CDH4: variants seen among roughly 807,000 people sequenced by gnomAD.
The protein encoded by CDH4 is cadherin 4.
CDH4 carries 33 observed loss-of-function variants against 86.0 expected under a neutral mutation model. That is an observed-to-expected ratio of 0.38 (90% CI 0.29 to 0.51). The LOEUF (loss-of-function observed/expected upper bound fraction) is 0.51, where lower values mean the gene tolerates loss of function less well. Ranked by LOEUF, CDH4 falls within the 20% of genes least tolerant of loss-of-function variation. The pLI, the probability that CDH4 is intolerant of heterozygous loss-of-function variation, is 0.86. For synonymous variants in CDH4, 555 were observed against 549.4 expected (o/e 1.01, Z -0.14); for missense variants, 1,114 against 1,307.4 (o/e 0.85, Z 2.28).
At chr20:61,865,914 CCT>C (rs1983529177) in intron 6 of CDH4, among the ~76,000 whole-genome samples, 1 of 152,180 alleles carries the variant, frequency 6.6e-6, no homozygotes, top group Non-Finnish European at 1.5e-5. Flanking sequence ...GGCTTAGTTT[CCT>C]GGGCTGCTTA....
intron 2 of CDH4, among the ~76,000 whole-genome samples, chr20:61,633,939 T>C (rs1401536540): frequency 6.6e-6 from 1 of 152,246 alleles, no homozygotes; most frequent in Non-Finnish European, 1.5e-5. Flanking sequence ...GAGACTCTGA[T>C]GGAAAATCCC....
intron 2 of CDH4, among the ~76,000 whole-genome samples, chr20:61,587,399 G>A (rs2086486340): frequency 6.6e-6 from 1 of 152,150 alleles, no homozygotes; most frequent in African/African-American, 2.4e-5. Flanking sequence ...GGGACAGCAG[G>A]GGCACAGCCT....
intron 2 of CDH4, among the ~76,000 whole-genome samples, chr20:61,469,479 G>C (rs1405576405): frequency 6.6e-6 from 1 of 152,190 alleles, no homozygotes; most frequent in Non-Finnish European, 1.5e-5. Context: ...CAGGTGAGTA[G>C]TTTGCACATA....
At chr20:61,362,270 T>G (rs1176734494) in intron 2 of CDH4, among the ~76,000 whole-genome samples, 1 of 151,472 alleles carries the variant, frequency 6.6e-6, no homozygotes, top group Non-Finnish European at 1.5e-5. Flanking sequence ...TTTGGGGTTT[T>G]GGGGTGATGG....
chr20:61,861,146 G>A (rs971217272), intron 6 of CDH4, among the ~76,000 whole-genome samples: 3 of 152,154 alleles, frequency 2.0e-5, no homozygotes, highest in Admixed American at 6.5e-5. Flanking sequence ...CGTGGGCTCC[G>A]CTGGTCTCCA....
At chr20:61,593,930 C>G (rs2086535621) in intron 2 of CDH4, among the ~76,000 whole-genome samples, 1 of 150,194 alleles carries the variant, frequency 6.7e-6, no homozygotes, top group Non-Finnish European at 1.5e-5. Context: ...CTGAAGTCTC[C>G]CCAGTACACA....
chr20:61,534,665 C>CTTTCTTTTTTTTTTTTTTT (rs1192776046), intron 2 of CDH4, among the ~76,000 whole-genome samples: 1 of 76,066 alleles, frequency 1.3e-5, no homozygotes, highest in African/African-American at 1.1e-4. Flanking sequence ...TTCTTTCTTT[C>CTTTCTTTTTTTTTTTTTTT]TTTTTTTTTT....
At position 61,937,053 on chromosome 20, in the gene CDH4, C is replaced by CTGTT. The variant is rs992174743; in HGVS notation, c.*111_*114dup. The CTGTT allele has an allele frequency of 1.1e-6, 1 of 890,318 alleles. No individual in the cohort carries two copies. The highest frequency in any genetic ancestry group is 1.7e-5 in the African/African-American group (1 of 57,656). The allele number at this position is 890,318 out of a possible 1,614,324, so 55.2% of individuals were successfully genotyped here. Reference sequence around the variant, plus strand: ...ACTCCCTGCGGCTGTGTCCTTAGTGCTGTTAGGAGGCCCCCCAATCCCCAC... The same window carrying CTGTT: ...ACTCCCTGCGGCTGTGTCCTTAGTGCTGTTTGTTAGGAGGCCCCCCAATCCCCAC... On this transcript the variant is annotated 3_prime_UTR_variant, in exon 16 of 16. Coordinates refer to ENST00000614565, the MANE Select transcript of CDH4 (RefSeq NM_001794.5).
chr20:61,631,205 A>G (rs2086884813), intron 2 of CDH4, among the ~76,000 whole-genome samples: 1 of 152,214 alleles, frequency 6.6e-6, no homozygotes, highest in Non-Finnish European at 1.5e-5. Context: ...TGACTCTCCC[A>G]CCGTGATGGC....
intron 2 of CDH4, among the ~76,000 whole-genome samples, chr20:61,454,699 A>G (rs982857833): frequency 5.3e-5 from 8 of 151,836 alleles, no homozygotes; most frequent in African/African-American, 1.9e-4. Context: ...CCCACCTTGG[A>G]CTCCCAAAGT....
Position 61,754,104 on chromosome 20 carries a change from C to G in CDH4, c.396+10315C>G, listed in dbSNP as rs887857292. On this transcript the variant is annotated intron_variant, in intron 3 of 15. Transcript: ENST00000614565. This position sits in a 1 kb window ranked among gnomAD's most constrained non-coding sequence, Gnocchi z 4.7. ...AGGATCAGGGAAGATTGTGGCACCACCAGGAGCCAGGAGAGACGCCCAGAG... is the reference window on the plus strand; with the variant it reads ...AGGATCAGGGAAGATTGTGGCACCAGCAGGAGCCAGGAGAGACGCCCAGAG... Among the ~76,000 whole-genome samples, 2 of 152,120 alleles carry G rather than the reference C, an allele frequency of 1.3e-5. No individual in the cohort carries two copies. The highest frequency in any genetic ancestry group is 4.8e-5 in the African/African-American group (2 of 41,402).
chr20:61,862,368 T>G (rs1371331957), intron 6 of CDH4, among the ~76,000 whole-genome samples: 1 of 152,192 alleles, frequency 6.6e-6, no homozygotes, highest in Non-Finnish European at 1.5e-5. Context: ...GTCCCAGCAC[T>G]AGCTCCTGGT....
chr20:61,456,584 G>A lies in CDH4; in HGVS notation c.169+201647G>A, dbSNP rs117468692. Among the ~76,000 whole-genome samples, 313 of 152,260 alleles carry A rather than the reference G, an allele frequency of 2.1e-3. 4 individuals are homozygous for A. The East Asian group carries it at 0.025, about 12-fold the overall frequency. On this transcript the variant is annotated intron_variant, in intron 2 of 15. Transcript: ENST00000614565. ...CCACGTGGTTGAAAGTGCTGGGGTCGGGAAACTCTGCTGAAGGTGAGGAGC... is the reference window on the plus strand; with the variant it reads ...CCACGTGGTTGAAAGTGCTGGGGTCAGGAAACTCTGCTGAAGGTGAGGAGC...
chr20:61,492,288 G>A (rs111226886), intron 2 of CDH4, among the ~76,000 whole-genome samples: 4,641 of 150,910 alleles, frequency 0.031, 117 homozygotes, highest in Non-Finnish European at 0.047. Flanking sequence ...TGTTGGTGGT[G>A]TTGATGTTGG....
At chr20:61,565,729 C>T (rs1395199658) in intron 2 of CDH4, among the ~76,000 whole-genome samples, 2 of 152,174 alleles carry the variant, frequency 1.3e-5, no homozygotes, top group Non-Finnish European at 2.9e-5. Flanking sequence ...ATACACAATG[C>T]AGGGAAAGGC....
At chr20:61,588,458 G>A (rs983561153) in intron 2 of CDH4, among the ~76,000 whole-genome samples, 1 of 152,078 alleles carries the variant, frequency 6.6e-6, no homozygotes, top group Non-Finnish European at 1.5e-5. Context: ...TGCAGGGAGA[G>A]AAAGAAAAAA....
chr20:61,925,018 G>C (rs759118141), intron 11 of CDH4, among the ~76,000 whole-genome samples: 8 of 152,170 alleles, frequency 5.3e-5, no homozygotes, highest in Non-Finnish European at 1.2e-4. Flanking sequence ...CCACGGCACA[G>C]ACCCCTGTGG....
intron 2 of CDH4, among the ~76,000 whole-genome samples, chr20:61,689,855 GAGGTGATGTGGTATAAGGCT>G (rs2087632948): frequency 1.4e-5 from 2 of 147,362 alleles, no homozygotes; most frequent in African/African-American, 5.3e-5. Context: ...GGTGGTTGGT[GAGGTGATGTGGTATAAGGCT>G]GGGACAGTGG....
At chr20:61,373,699 G>A (rs1406714712) in intron 2 of CDH4, among the ~76,000 whole-genome samples, 4 of 152,130 alleles carry the variant, frequency 2.6e-5, no homozygotes, top group Admixed American at 1.3e-4. Context: ...GGGATATTTG[G>A]GGCTGTTTTG....
Sources: allele counts gnomAD v4.1 joint callset (sites outside exome capture counted in the v4.1 genomes callset), GRCh38; gene constraint gnomAD v4.1.1; non-coding constraint Gnocchi (gnomAD v3.1); transcripts MANE v1.5; gene names NCBI Gene and HGNC (gene_info 2026-07-23, HGNC 2026-07-21).